The following DENND4B variants were observed in gnomAD, a reference collection of about 807,000 sequenced individuals.
DENND4B encodes the protein DENN domain containing 4B, also known as DENN domain-containing protein 4B.
A neutral mutation model predicts 161.0 loss-of-function variants in DENND4B; 67 were observed. That is an observed-to-expected ratio of 0.42 (90% CI 0.34 to 0.51). DENND4B has a LOEUF of 0.51. Among genes scored for constraint, DENND4B ranks in the 20% least tolerant of loss-of-function variants. The pLI is 0.08. For missense variants in DENND4B, 1,481 were observed against 1,968.0 expected (o/e 0.75, Z 4.68); for synonymous variants, 753 against 813.8 (o/e 0.93, Z 1.27).
intron 12 of DENND4B, among the ~76,000 whole-genome samples, chr1:153,939,378 C>T (rs985123639): frequency 6.6e-6 from 1 of 152,076 alleles, no homozygotes; most frequent in African/African-American, 2.4e-5. Context: ...CTCCAGAGGG[C>T]AGGACCACAG....
rs747877532 is a variant in DENND4B at position 153,933,608 on chromosome 1, G to A, written c.3205C>T (p.Arg1069Cys). The part of the protein sequence containing the change: ...ARLQQLLTPS[R>C]HSPASRIPPP... Reference sequence around the variant, plus strand: ...GGAATGCGGGAGGCAGGGGAGTGGCGGGAAGGAGTGAGCAGCTGTTGGAGG... The same window carrying A: ...GGAATGCGGGAGGCAGGGGAGTGGCAGGAAGGAGTGAGCAGCTGTTGGAGG... The change falls in exon 20 of 28, where the codon CGC becomes TGC. Residue 1069 changes from arginine to cysteine, a missense_variant. Arg to Cys is a radical substitution (Grantham distance 180, BLOSUM62 -3). Coordinates refer to ENST00000361217, the MANE Select transcript of DENND4B (RefSeq NM_014856.3). The surrounding 1 kb of genome is among the most constrained non-coding windows in gnomAD (Gnocchi z 5.7). The A allele has an allele frequency of 5.8e-6, 9 of 1,554,200 alleles. No individual in the cohort carries two copies. In the Admixed American group the frequency reaches 6.0e-5, roughly 10 times the overall value.
Position 153,941,284 on chromosome 1 carries a change from A to T in DENND4B, c.1128T>A (p.Ser376=), listed in dbSNP as rs1679651527. ...GACAGAGGAGCAAGTTGTCATAGGG[A>T]GACATCTGGAAGGGAAGAAGAGCCA... is the stretch of plus-strand genomic sequence containing the variant. The part of the protein sequence containing the change: ...PQRPRILVQM[S]PYDNLLLCQP... The change falls in exon 8 of 28, where the codon TCT becomes TCA. Residue 376 remains serine (S), a synonymous_variant. Transcript: ENST00000361217. 6.2e-7 allele frequency: 1 copy of T among 1,613,758 alleles called. No homozygotes were observed. Among genetic ancestry groups the T allele is most frequent in the Non-Finnish European group, 8.5e-7 (1 of 1,179,838 alleles).
chr1:153,930,065 C>T lies in DENND4B; in HGVS notation c.*232G>A. On this transcript the variant is annotated 3_prime_UTR_variant, in exon 28 of 28. Transcript: ENST00000361217. The surrounding 1 kb of genome is among the most constrained non-coding windows in gnomAD (Gnocchi z 4.7). ...GAAGAACAGAGCTGTACCAACTCCC[C>T]CCAGATCTCCCCCAACATCAGCACG... is the stretch of plus-strand genomic sequence containing the variant. The T allele has an allele frequency of 1.7e-6, 1 of 599,190 alleles. No individual in the cohort carries two copies. Among genetic ancestry groups the T allele is most frequent in the South Asian group, 2.1e-5 (1 of 48,756 alleles). 37.1% of individuals were successfully genotyped at this position (599,190 alleles called of 1,614,324 possible). A position where few individuals can be genotyped will look rare whatever the true frequency, so the allele number is the denominator to read the frequency against.
In DENND4B at chr1:153,940,423, C is replaced by A. The variant is rs1679601386; in HGVS notation, c.1502+8G>T. On this transcript the variant is annotated splice_region_variant and intron_variant, in intron 10 of 27. Transcript: ENST00000361217. This position sits in a 1 kb window ranked among gnomAD's most constrained non-coding sequence, Gnocchi z 5.6. ...CCTGCAGCCCCCAAATGAGACCCAGCCTCTTACTGGAAGAGCGTGTTGGTA... is the reference window on the plus strand; with the variant it reads ...CCTGCAGCCCCCAAATGAGACCCAGACTCTTACTGGAAGAGCGTGTTGGTA... 1.2e-6 allele frequency: 2 copies of A among 1,610,606 alleles called. No homozygotes were observed. Among genetic ancestry groups the A allele is most frequent in the East Asian group, 2.2e-5 (1 of 44,848 alleles).
Position 153,936,562 on chromosome 1 carries a change from T to G in DENND4B, c.2419A>C (p.Lys807Gln), listed in dbSNP as rs752944926. The G allele has an allele frequency of 6.2e-7, 1 of 1,603,140 alleles. No individual in the cohort carries two copies. Among genetic ancestry groups the G allele is most frequent in the Non-Finnish European group, 8.5e-7 (1 of 1,173,006 alleles). ...CCTACCTCATCAGGGAGCACCACCT[T>G]GCCGCTCTCCATCTGGCGCAGCACA... ...YHVLRQMESG[K>Q]VVLPDEVCYR... The change falls in exon 16 of 28, where the codon AAG (lysine) becomes CAG (glutamine). Residue 807 changes from lysine to glutamine, a missense_variant. Lys to Gln is a moderately conservative substitution (Grantham distance 53). Coordinates refer to ENST00000361217, the MANE Select transcript of DENND4B (RefSeq NM_014856.3). This position sits in a 1 kb window ranked among gnomAD's most constrained non-coding sequence, Gnocchi z 4.1.
At chr1:153,931,673 A>G (rs1041044118) in intron 24 of DENND4B, among the ~76,000 whole-genome samples, 1 of 146,068 alleles carries the variant, frequency 6.8e-6, no homozygotes, top group Non-Finnish European at 1.5e-5. Flanking sequence ...AATTTTTTGT[A>G]TTTTTAGTAA....
rs538776985 is a variant in DENND4B at position 153,932,369 on chromosome 1, C to T, written c.3831G>A (p.Glu1277=). The change falls in exon 24 of 28, where the codon GAG becomes GAA. Residue 1277 remains glutamate (E), a synonymous_variant. Transcript: ENST00000361217. The surrounding 1 kb of genome is among the most constrained non-coding windows in gnomAD (Gnocchi z 5.8). The stretch of plus-strand genomic sequence containing the variant: ...CACTGCCCTCGTTCTCTACCAGCGA[C>T]TCCAGCTCCTTACGCAGCACCAGGG... ...LSPLVLRKEL[E]SLVENEGSEV... is the part of the protein sequence containing the mutation. 1 of 1,613,858 alleles carries T rather than the reference C, an allele frequency of 6.2e-7. No individual in the cohort carries two copies. Among genetic ancestry groups the T allele is most frequent in the Non-Finnish European group, 8.5e-7 (1 of 1,179,818 alleles).
At position 153,933,568 on chromosome 1, in the gene DENND4B, G is replaced by A. The variant is rs1486966985; in HGVS notation, c.3245C>T (p.Pro1082Leu). 6.4e-7 allele frequency: 1 copy of A among 1,558,298 alleles called. No individual in the cohort carries two copies. The highest frequency in any genetic ancestry group is 2.0e-5 in the Admixed American group (1 of 51,042). The stretch of plus-strand genomic sequence containing the variant: ...GCGGGCTGGGGGTGGCAGGTCAGGA[G>A]GCAGCTCAGGTGGGGGAATGCGGGA... Reference protein sequence around the residue: ...PASRIPPPELPPDLPPPARRS... With the variant: ...PASRIPPPELLPDLPPPARRS... The change falls in exon 20 of 28, where the codon CCT (proline) becomes CTT (leucine). Residue 1082 changes from proline (P) to leucine (L), a missense_variant. This residue lies in a region of DENND4B where 339 missense variants were observed against 330.3 expected (regional missense o/e 1.03). Coordinates refer to ENST00000361217, the MANE Select transcript of DENND4B (RefSeq NM_014856.3). The surrounding 1 kb of genome is among the most constrained non-coding windows in gnomAD (Gnocchi z 5.7).
rs1679417400 is a variant in DENND4B, at chr1:153,937,517, T to G, written c.2203A>C (p.Ser735Arg). ...PVPGPSRSAP[S>R]SPAPRRTKQE... ...TTGGTACGGCGAGGAGCAGGACTGC[T>G]GGGGGCGCTACGGGAAGGGCCTGGC... is the stretch of plus-strand genomic sequence containing the variant. Residue 735 changes from serine to arginine, a missense_variant, in exon 15 of 28, where the codon AGC becomes CGC. Around this residue, in one of 3 missense-constraint regions of DENND4B, gnomAD observed 806 missense variants for 1,134.4 expected, o/e 0.71. Transcript: ENST00000361217. The surrounding 1 kb of genome is among the most constrained non-coding windows in gnomAD (Gnocchi z 4.7). The G allele has an allele frequency of 6.3e-7, 1 of 1,588,432 alleles. No individual in the cohort carries two copies. The highest frequency in any genetic ancestry group is 1.3e-5 in the African/African-American group (1 of 74,332).
At position 153,940,596 on chromosome 1, in the gene DENND4B, G is replaced by A; in HGVS notation, c.1337C>T (p.Pro446Leu). ...AATGTAGGGGCACTGCCAGTGCAGT[G>A]GGAAGATCATCTGAAGCACCAGGCA... ...VCEALVSMIF[P>L]LHWQCPYIPL... Residue 446 changes from proline to leucine, a missense_variant, in exon 10 of 28, where the codon CCA becomes CTA. By Grantham distance (98) the Pro-to-Leu change is moderately conservative. This residue lies in a region of DENND4B where 806 missense variants were observed against 1,134.4 expected (regional missense o/e 0.71). Transcript: ENST00000361217. The surrounding 1 kb of genome is among the most constrained non-coding windows in gnomAD (Gnocchi z 5.6). The A allele has an allele frequency of 6.2e-7, 1 of 1,612,406 alleles. No homozygotes were observed. Among genetic ancestry groups the A allele is most frequent in the Non-Finnish European group, 8.5e-7 (1 of 1,179,232 alleles).
rs1679831784 is a variant in DENND4B, at chr1:153,944,155, C to T, written c.220G>A (p.Gly74Ser). Residue 74 changes from glycine (G) to serine (S), a missense_variant, in exon 2 of 28, where the codon GGC (glycine) becomes AGC (serine). Gly to Ser is a moderately conservative substitution (Grantham distance 56). Transcript: ENST00000361217. This position sits in a 1 kb window ranked among gnomAD's most constrained non-coding sequence, Gnocchi z 4.8. ...GYTCIQASAG[G>S]HPLELSAGLL... ...CCAGCACTGAGTTCCAAGGGGTGGC[C>T]CCCAGCAGAAGCCTGGATGCATGTG... The T allele has an allele frequency of 6.2e-7, 1 of 1,613,144 alleles. No individual in the cohort carries two copies. Among genetic ancestry groups the T allele is most frequent in the African/African-American group, 1.3e-5 (1 of 75,020 alleles).
chr1:153,930,940 GA>G lies in DENND4B; in HGVS notation c.4114+6del. The G allele has an allele frequency of 6.8e-7, 1 of 1,462,076 alleles. No individual in the cohort carries two copies. The highest frequency in any genetic ancestry group is 9.4e-7 in the Non-Finnish European group (1 of 1,065,080). The allele number at this position is 1,462,076 out of a possible 1,614,324, so 90.6% of individuals were successfully genotyped here. ...CCCTCCCCACCCAGGCCAAATACCA[GA>G]CTCACTGTGGACCCTCCAGAGCACA... On this transcript the variant is annotated splice_donor_region_variant and intron_variant, in intron 25 of 27. Coordinates refer to ENST00000361217, the MANE Select transcript of DENND4B (RefSeq NM_014856.3). The surrounding 1 kb of genome is among the most constrained non-coding windows in gnomAD (Gnocchi z 4.7).
In DENND4B at chr1:153,936,555, A is replaced by G; in HGVS notation, c.2426T>C (p.Val809Ala). Reference sequence around the variant, plus strand: ...TAGATTGCCTACCTCATCAGGGAGCACCACCTTGCCGCTCTCCATCTGGCG... The same window carrying G: ...TAGATTGCCTACCTCATCAGGGAGCGCCACCTTGCCGCTCTCCATCTGGCG... ...VLRQMESGKV[V>A]LPDEVCYRVL... The change falls in exon 16 of 28, where the codon GTG becomes GCG. Residue 809 changes from valine to alanine, a missense_variant. Physicochemically the swap from Val to Ala is moderately conservative, Grantham distance 64. This residue lies in a region of DENND4B where 806 missense variants were observed against 1,134.4 expected (regional missense o/e 0.71). Coordinates refer to ENST00000361217, the MANE Select transcript of DENND4B (RefSeq NM_014856.3). This position sits in a 1 kb window ranked among gnomAD's most constrained non-coding sequence, Gnocchi z 4.1. 1 of 1,599,806 alleles carries G rather than the reference A, an allele frequency of 6.3e-7. No homozygotes were observed. The highest frequency in any genetic ancestry group is 8.5e-7 in the Non-Finnish European group (1 of 1,170,954).
At position 153,933,535 on chromosome 1, in the gene DENND4B, G is replaced by T; in HGVS notation, c.3278C>A (p.Pro1093His). ...CCGGGGGTGCAGAAGACTGTCCATG[G>T]GGCTGCGGCGGGCTGGGGGTGGCAG... Reference protein sequence around the residue: ...PDLPPPARRSPMDSLLHPRER... With the variant: ...PDLPPPARRSHMDSLLHPRER... Residue 1093 changes from proline (P) to histidine (H), a missense_variant, in exon 20 of 28, where the codon CCC becomes CAC. By Grantham distance (77) the Pro-to-His change is moderately conservative. This residue lies in a region of DENND4B where 339 missense variants were observed against 330.3 expected (regional missense o/e 1.03). Coordinates refer to ENST00000361217, the MANE Select transcript of DENND4B (RefSeq NM_014856.3). This position sits in a 1 kb window ranked among gnomAD's most constrained non-coding sequence, Gnocchi z 5.7. 6.5e-7 allele frequency: 1 copy of T among 1,549,132 alleles called. No individual in the cohort carries two copies.
At chr1:153,941,635 A>G (rs1679676046) in intron 6 of DENND4B, among the ~76,000 whole-genome samples, 195 bp from the exon 7 acceptor site, 1 of 152,180 alleles carries the variant, frequency 6.6e-6, no homozygotes, top group African/African-American at 2.4e-5. Flanking sequence ...CTCCCTGGGC[A>G]TACACAGCCC....
Position 153,930,460 on chromosome 1 carries a change from A to T in DENND4B, c.4346-18T>A, listed in dbSNP as rs1258690185. ...GAAGGCCACTAGGGAAGAAGGTGGA[A>T]GTCAACATGTTAGGACCGCAGCCTC... On this transcript the variant is annotated intron_variant, in intron 27 of 27. Coordinates refer to ENST00000361217, the MANE Select transcript of DENND4B (RefSeq NM_014856.3). The surrounding 1 kb of genome is among the most constrained non-coding windows in gnomAD (Gnocchi z 4.7). 6 of 1,613,880 alleles carry T rather than the reference A, an allele frequency of 3.7e-6. No individual in the cohort carries two copies. The highest frequency in any genetic ancestry group is 5.1e-6 in the Non-Finnish European group (6 of 1,179,790).
Position 153,934,134 on chromosome 1 carries a change from C to T in DENND4B, c.2941+1G>A. ...TGAGGGAGCCAGACAAGGGCACTCA[C>T]TGTGGGCCACACCGGCCTCCACAGT... is the stretch of plus-strand genomic sequence containing the variant. On this transcript the variant is annotated splice_donor_variant, in intron 19 of 27. Coordinates refer to ENST00000361217, the MANE Select transcript of DENND4B (RefSeq NM_014856.3). LOFTEE classifies it high-confidence loss of function. The surrounding 1 kb of genome is among the most constrained non-coding windows in gnomAD (Gnocchi z 5.3). 1 of 1,560,776 alleles carries T rather than the reference C, an allele frequency of 6.4e-7. No homozygotes were observed. The highest frequency in any genetic ancestry group is 8.6e-7 in the Non-Finnish European group (1 of 1,162,362).
chr1:153,934,714 G>A lies in DENND4B; in HGVS notation c.2773+46C>T. On this transcript the variant is annotated intron_variant, in intron 18 of 27. Coordinates refer to ENST00000361217, the MANE Select transcript of DENND4B (RefSeq NM_014856.3). This position sits in a 1 kb window ranked among gnomAD's most constrained non-coding sequence, Gnocchi z 5.3. ...ACTCTCTATGCCTTTCCCTGCCTGA[G>A]CCCAGCTACTCCATCCCCAAGCCTG... 2.5e-6 allele frequency: 4 copies of A among 1,572,858 alleles called. No homozygotes were observed. Among genetic ancestry groups the A allele is most frequent in the Admixed American group, 1.9e-5 (1 of 52,996 alleles).
In DENND4B at chr1:153,945,358, GGGGTTACCATTGAA is replaced by G. The variant is rs769997809; in HGVS notation, c.-24+929_-24+942del. The G allele has an allele frequency of 1.3e-3, 472 of 354,050 alleles. 1 individual carries two copies. The highest frequency in any genetic ancestry group is 2.2e-3 in the Non-Finnish European group (390 of 180,212). 21.9% of individuals were successfully genotyped at this position (354,050 alleles called of 1,614,324 possible). On this transcript the variant is annotated intron_variant, in intron 1 of 27. Transcript: ENST00000361217. ...TGTGTGTGGTGGCGGTGGCGGTGGT[GGGGTTACCATTGAA>G]GGTGCCAGCACAGCATTACGCCAAG...
Sources: allele counts gnomAD v4.1 joint callset (sites outside exome capture counted in the v4.1 genomes callset), GRCh38; gene constraint gnomAD v4.1.1; regional missense constraint gnomAD v4.1.1; non-coding constraint Gnocchi (gnomAD v3.1); transcripts MANE v1.5; gene names NCBI Gene and HGNC (gene_info 2026-07-23, HGNC 2026-07-21).